The following RUFY3 variants were observed in gnomAD, a reference collection of about 807,000 sequenced individuals.
RUFY3 encodes RUN and FYVE domain containing 3, also known as protein RUFY3.
In RUFY3, 34 loss-of-function variants were observed where a neutral mutation model predicts 84.0. That is an observed-to-expected ratio of 0.40 (90% CI 0.31 to 0.54). The LOEUF (loss-of-function observed/expected upper bound fraction) is 0.54. Among genes scored for constraint, RUFY3 ranks in the 20% least tolerant of loss-of-function variants. The pLI is 0.39. For missense variants in RUFY3, 507 were observed against 736.8 expected, an observed-to-expected ratio of 0.69 and a Z score of 3.61; for synonymous variants, 242 against 252.9, an observed-to-expected ratio of 0.96 and a Z score of 0.41.
chr4:70,803,170 T>C, intron 16 of RUFY3, 187 bp downstream of exon 16: 1 of 468,762 alleles, frequency 2.1e-6, no homozygotes, highest in Non-Finnish European at 3.8e-6. Context: ...TTTGAGCAGT[T>C]TACTAAGTAA....
chr4:70,799,337 C>G (rs1342016329), intron 14 of RUFY3: 1 of 151,950 alleles, frequency 6.6e-6, no homozygotes, highest in Non-Finnish European at 1.5e-5. Context: ...GTCAGGACTT[C>G]GAGACCAGCC....
chr4:70,753,371 T>C (rs1723448686), intron 1 of RUFY3, among the ~76,000 whole-genome samples: 1 of 152,236 alleles, frequency 6.6e-6, no homozygotes, highest in East Asian at 1.9e-4. Context: ...AGTAGTTGTT[T>C]TTGCTTTTTA....
chr4:70,756,948 A>G (rs1210334546), intron 1 of RUFY3, among the ~76,000 whole-genome samples: 1 of 152,066 alleles, frequency 6.6e-6, no homozygotes, highest in Admixed American at 6.6e-5. Flanking sequence ...TTTCCATAGA[A>G]TAGGTTTATG....
At chr4:70,732,744 C>T (rs187495021) in intron 1 of RUFY3, among the ~76,000 whole-genome samples, 1 of 141,004 alleles carries the variant, frequency 7.1e-6, no homozygotes, top group Non-Finnish European at 1.5e-5. Flanking sequence ...ACATCACACA[C>T]TGGGGACCTG....
chr4:70,803,823 A>G (rs985019895), intron 16 of RUFY3, among the ~76,000 whole-genome samples: 19 of 151,466 alleles, frequency 1.3e-4, no homozygotes, highest in African/African-American at 4.4e-4. Flanking sequence ...CCCAGGTTCA[A>G]GTGATTCCCC....
intron 8 of RUFY3, among the ~76,000 whole-genome samples, chr4:70,779,718 G>A (rs1728586379): frequency 6.6e-6 from 1 of 151,814 alleles, no homozygotes; most frequent in African/African-American, 2.4e-5. Context: ...AAGTAGCTGG[G>A]ATCACAGGCA....
chr4:70,782,131 A>G (rs1346251750), intron 8 of RUFY3, among the ~76,000 whole-genome samples: 1 of 152,124 alleles, frequency 6.6e-6, no homozygotes, highest in Non-Finnish European at 1.5e-5. Context: ...CATGGGTTCC[A>G]TGGTGTGACA....
chr4:70,779,779 G>A (rs2148763197), intron 8 of RUFY3, among the ~76,000 whole-genome samples: 1 of 151,994 alleles, frequency 6.6e-6, no homozygotes, highest in African/African-American at 2.4e-5. Flanking sequence ...TTGCCATGTT[G>A]CCCATGCTGG....
intron 14 of RUFY3, 119 bp from the exon 15 acceptor site, chr4:70,800,022 C>A: frequency 2.5e-6 from 2 of 814,340 alleles, no homozygotes; most frequent in South Asian, 1.8e-5. Context: ...GATCCCTTCC[C>A]TAATAAAAAA....
chr4:70,804,437 ACAGG>A, intron 17 of RUFY3, 21 bp downstream of exon 17: 1 of 1,607,956 alleles, frequency 6.2e-7, no homozygotes, highest in South Asian at 1.1e-5. Context: ...TGAGAAACGG[ACAGG>A]CTTTTCATAG....
chr4:70,727,787 CAA>C (rs1228588349), intron 1 of RUFY3, among the ~76,000 whole-genome samples: 27 of 84,592 alleles, frequency 3.2e-4, no homozygotes, highest in Admixed American at 2.7e-4. Context: ...AACTCTGTCT[CAA>C]AAAAAAAAAA....
At position 70,723,833 on chromosome 4, in the gene RUFY3, G is replaced by A. The variant is rs149794232; in HGVS notation, c.178+1082G>A. On this transcript the variant is annotated intron_variant, in intron 1 of 17. Coordinates refer to ENST00000381006, the MANE Select transcript of RUFY3 (RefSeq NM_001037442.4). ...TTAGGAAAGGTGATTCTCTGCCTTT[G>A]ACCTTGAGTTGAAATCTTATCATGA... Among the ~76,000 whole-genome samples, 915 of 152,320 alleles carry A rather than the reference G, an allele frequency of 6.0e-3. 11 individuals carry two copies. Among genetic ancestry groups the A allele is most frequent in the African/African-American group, 0.019 (798 of 41,574 alleles).
intron 15 of RUFY3, among the ~76,000 whole-genome samples, chr4:70,800,427 C>T (rs75931366): frequency 6.6e-6 from 1 of 152,290 alleles, no homozygotes; most frequent in African/African-American, 2.4e-5. Context: ...ATCAGGCTGT[C>T]CTCTCTTCCC....
chr4:70,750,963 A>G lies in RUFY3; in HGVS notation c.179-11556A>G, dbSNP rs1430245464. ...TAATAATATTGTATGGGCATATCAT[A>G]TTTTGTCTATTGGTTGGTGGACATT... On this transcript the variant is annotated intron_variant, in intron 1 of 17. Transcript: ENST00000381006. 3.3e-5 allele frequency among the ~76,000 whole-genome samples: 5 copies of G among 152,130 alleles called. No homozygotes were observed. The East Asian group carries it at 9.6e-4, about 29-fold the overall frequency.
In RUFY3 at chr4:70,780,439, A is replaced by G. The variant is rs553721133; in HGVS notation, c.894+2001A>G. Among the ~76,000 whole-genome samples the G allele has an allele frequency of 9.2e-5, 14 of 152,202 alleles. No homozygotes were observed. In the East Asian group the frequency reaches 2.7e-3, roughly 29 times the overall value. Reference sequence around the variant, plus strand: ...CCTCCGAGTAGCCGGGACCACAGGCATGCACCATCACAGCTGGCTAATATT... The same window carrying G: ...CCTCCGAGTAGCCGGGACCACAGGCGTGCACCATCACAGCTGGCTAATATT... On this transcript the variant is annotated intron_variant, in intron 8 of 17. Transcript: ENST00000381006.
At position 70,808,092 on chromosome 4, in the gene RUFY3, T is replaced by C. The variant is rs778614591; in HGVS notation, c.*1433T>C. On this transcript the variant is annotated 3_prime_UTR_variant, in exon 18 of 18. Coordinates refer to ENST00000381006, the MANE Select transcript of RUFY3 (RefSeq NM_001037442.4). ...TAAATCATCTGAAGATGATTACTTA[T>C]ACCTAATAAAATACCTACACATCAC... Among the ~76,000 whole-genome samples the C allele has an allele frequency of 3.3e-5, 5 of 152,246 alleles. No homozygotes were observed. Among genetic ancestry groups the C allele is most frequent in the African/African-American group, 4.8e-5 (2 of 41,472 alleles).
At chr4:70,789,443 G>A (rs1048688130) in intron 11 of RUFY3, 52 bp from the exon 12 acceptor site, 7 of 1,486,814 alleles carry the variant, frequency 4.7e-6, no homozygotes, top group African/African-American at 4.2e-5. Flanking sequence ...ATGTGTGGTT[G>A]TATTTTAGGA....
chr4:70,791,945 T>TA, intron 12 of RUFY3: 1 of 984,394 alleles, frequency 1.0e-6, no homozygotes, highest in Non-Finnish European at 1.2e-6. Flanking sequence ...CATCCTTATA[T>TA]TTCTTTAAAA....
chr4:70,797,757 T>C (rs1242450872), intron 14 of RUFY3, among the ~76,000 whole-genome samples: 4 of 151,684 alleles, frequency 2.6e-5, no homozygotes, highest in African/African-American at 9.7e-5. Flanking sequence ...GCAGGAGAAT[T>C]GGTTGAACCC....
Sources: allele counts gnomAD v4.1 joint callset (sites outside exome capture counted in the v4.1 genomes callset), GRCh38; gene constraint gnomAD v4.1.1; transcripts MANE v1.5; gene names NCBI Gene and HGNC (gene_info 2026-07-23, HGNC 2026-07-21).